The following DLG5 variants were observed in gnomAD, a reference collection of about 807,000 sequenced individuals.
DLG5 encodes the protein disks large homolog 5.
DLG5 carries 48 observed loss-of-function variants against 189.8 expected under a neutral mutation model. That is an observed-to-expected ratio of 0.25 (90% CI 0.20 to 0.32). The LOEUF (loss-of-function observed/expected upper bound fraction) is 0.32. DLG5 is among the 10% of genes least tolerant of loss of function. The pLI is 1.00. For synonymous variants in DLG5, 1,016 were observed against 1,054.1 expected (o/e 0.96, Z 0.70); for missense variants, 2,160 against 2,544.7 (o/e 0.85, Z 3.25).
At chr10:77,897,796 T>G (rs1284715621) in intron 1 of DLG5, among the ~76,000 whole-genome samples, 1 of 149,506 alleles carries the variant, frequency 6.7e-6, no homozygotes, top group Admixed American at 6.6e-5. Context: ...GTGGTAGAAT[T>G]AAAGAAAAAA....
intron 1 of DLG5, among the ~76,000 whole-genome samples, chr10:77,918,109 C>T (rs1024823281): frequency 1.3e-5 from 2 of 150,212 alleles, no homozygotes; most frequent in African/African-American, 4.9e-5. Flanking sequence ...TATATTTTTC[C>T]ACAATAAAAA....
intron 1 of DLG5, chr10:77,889,291 GAA>G (rs112297100): frequency 8.2e-5 from 11 of 134,536 alleles, no homozygotes; most frequent in East Asian, 2.3e-4. Context: ...AGTCACTAGG[GAA>G]AAAAAAAAAA....
At chr10:77,927,193 G>C (rs1248288006), upstream of DLG5, 4 of 152,604 alleles carry the variant, frequency 2.6e-5, no homozygotes, top group African/African-American at 9.7e-5. Flanking sequence ...GGGGTCCCCG[G>C]CCCGCCCGCT....
intron 22 of DLG5, 140 bp downstream of exon 22, chr10:77,811,784 G>T (rs1365261209): frequency 1.6e-6 from 2 of 1,262,030 alleles, no homozygotes; most frequent in African/African-American, 1.5e-5. Flanking sequence ...AAAATCCAGG[G>T]CTGGTCAACT....
chr10:77,842,199 A>C lies in DLG5; in HGVS notation c.1125-6T>G, dbSNP rs908733139. ...CATGGTGGATCGCCTCAAACCTGGC[A>C]AGAGAGGTGGCGAGATGTGGGAAGG... On this transcript the variant is annotated splice_polypyrimidine_tract_variant and splice_region_variant and intron_variant, in intron 6 of 31. Transcript: ENST00000372391. 1 of 1,597,596 alleles carries C rather than the reference A, an allele frequency of 6.3e-7. No individual in the cohort carries two copies. Among genetic ancestry groups the C allele is most frequent in the Non-Finnish European group, 8.5e-7 (1 of 1,176,968 alleles).
chr10:77,795,995 G>T (rs1178561625), intron 29 of DLG5, 66 bp downstream of exon 29: 1 of 1,610,126 alleles, frequency 6.2e-7, no homozygotes, highest in East Asian at 2.2e-5. Context: ...ACGGACCAGG[G>T]GCCTAGACCT....
In DLG5 at chr10:77,811,114, TG is replaced by T. The variant is rs778796396; in HGVS notation, c.4442del (p.Pro1481GlnfsTer88). ...MEQDEGPSTPPAKQSSSRIAG... is the reference protein window; with the variant it reads ...MEQDEGPSTPXAKQSSSRIAG... ...CTGACCTGGAGCTGCTCTGCTTGGC[TG>T]GGGGGGTGCTAGGCCCCTCGTCCTG... On this transcript the variant is annotated frameshift_variant, in exon 23 of 32. Transcript: ENST00000372391. LOFTEE classifies it high-confidence loss of function. The T allele has an allele frequency of 2.5e-6, 4 of 1,611,730 alleles. No individual in the cohort carries two copies. The highest frequency in any genetic ancestry group is 8.5e-7 in the Non-Finnish European group (1 of 1,179,870).
chr10:77,916,481 T>C (rs1846359979), intron 1 of DLG5, among the ~76,000 whole-genome samples: 1 of 150,738 alleles, frequency 6.6e-6, no homozygotes, highest in African/African-American at 2.4e-5. Context: ...TTAGTAGAGA[T>C]GGGGTTTCAT....
intron 27 of DLG5, among the ~76,000 whole-genome samples, chr10:77,804,392 C>T (rs1232970877): frequency 6.6e-6 from 1 of 152,188 alleles, no homozygotes; most frequent in Non-Finnish European, 1.5e-5. Context: ...CAATAGTTTG[C>T]CAACCCTTGT....
Position 77,821,594 on chromosome 10 carries a change from A to T in DLG5, c.2890T>A (p.Tyr964Asn), listed in dbSNP as rs750341339. The T allele has an allele frequency of 1.9e-5, 30 of 1,612,902 alleles. No homozygotes were observed. The highest frequency in any genetic ancestry group is 2.5e-5 in the Non-Finnish European group (30 of 1,180,028). ...GACTTTCTTTGCTTTGGCTTTTTAT[A>T]AACAGAGAGCTTCTCAGGCACTGCC... is the stretch of plus-strand genomic sequence containing the variant. Reference protein sequence around the residue: ...STAVPEKLSVYKKPKQRKSIF... With the variant: ...STAVPEKLSVNKKPKQRKSIF... The change falls in exon 15 of 32, where the codon TAT (tyrosine) becomes AAT (asparagine). Residue 964 changes from tyrosine (Y) to asparagine (N), a missense_variant. By Grantham distance (143) the Tyr-to-Asn change is moderately radical. This residue lies in a region of DLG5 where 754 missense variants were observed against 746.5 expected (regional missense o/e 1.01). Coordinates refer to ENST00000372391, the MANE Select transcript of DLG5 (RefSeq NM_004747.4).
chr10:77,934,030 AGAGT>A, the DLG5 span, among the ~76,000 whole-genome samples: 1 of 151,586 alleles, frequency 6.6e-6, no homozygotes, highest in Non-Finnish European at 1.5e-5. Context: ...CCTGGGTGAC[AGAGT>A]GAGACTCTGT....
Position 77,821,974 on chromosome 10 carries a change from T to C in DLG5, c.2510A>G (p.Gln837Arg). 6.2e-7 allele frequency: 1 copy of C among 1,614,258 alleles called. No homozygotes were observed. Among genetic ancestry groups the C allele is most frequent in the Non-Finnish European group, 8.5e-7 (1 of 1,180,044 alleles). The change falls in exon 15 of 32, where the codon CAG becomes CGG. Residue 837 changes from glutamine to arginine, a missense_variant. Transcript: ENST00000372391. ...VQAHNKRNLI[Q>R]HNNSTQTDIF... Reference sequence around the variant, plus strand: ...GTCTGTCTGCGTGGAGTTATTGTGCTGTATCAAGTTCCGTTTGTTATGAGC... The same window carrying C: ...GTCTGTCTGCGTGGAGTTATTGTGCCGTATCAAGTTCCGTTTGTTATGAGC...
chr10:77,875,522 T>A (rs1845056520), intron 1 of DLG5, among the ~76,000 whole-genome samples: 1 of 151,584 alleles, frequency 6.6e-6, no homozygotes. Flanking sequence ...GAAGGAGCTG[T>A]GGCTTCATGG....
At chr10:77,817,969 G>A (rs889995830) in intron 17 of DLG5, 80 bp from the exon 18 acceptor site, 8 of 1,222,220 alleles carry the variant, frequency 6.5e-6, no homozygotes, top group Non-Finnish European at 8.1e-6. Flanking sequence ...ACACAGACCA[G>A]GCAAGGGTTC....
chr10:77,807,999 G>A, intron 24 of DLG5, 55 bp from the exon 25 acceptor site: 2 of 1,605,856 alleles, frequency 1.2e-6, no homozygotes, highest in Non-Finnish European at 1.7e-6. Context: ...GGCAGCTTGG[G>A]CACCCGAGAG....
At chr10:77,877,865 C>T (rs1299119307) in intron 1 of DLG5, among the ~76,000 whole-genome samples, 3 of 152,196 alleles carry the variant, frequency 2.0e-5, no homozygotes, top group African/African-American at 7.2e-5. Context: ...GGAGCAGCGC[C>T]TCTGCCCCGC....
rs1846682247 is a variant in DLG5 at position 77,926,115 on chromosome 10, A to G, written c.304+102T>C. 1.6e-6 allele frequency: 2 copies of G among 1,220,072 alleles called. No individual in the cohort carries two copies. Among genetic ancestry groups the G allele is most frequent in the Non-Finnish European group, 1.1e-6 (1 of 950,760 alleles). 75.6% of individuals were successfully genotyped at this position (1,220,072 alleles called of 1,614,324 possible). A position where few individuals can be genotyped will look rare whatever the true frequency, so the allele number is the denominator to read the frequency against. On this transcript the variant is annotated intron_variant, in intron 1 of 31. Transcript: ENST00000372391. This position sits in a 1 kb window ranked among gnomAD's most constrained non-coding sequence, Gnocchi z 5.2. Reference sequence around the variant, plus strand: ...CCAGAGGAGCGAGTCCACCGAGGCCATCGCCAGGTGGAGCGGCGGCCCCGG... The same window carrying G: ...CCAGAGGAGCGAGTCCACCGAGGCCGTCGCCAGGTGGAGCGGCGGCCCCGG...
intron 8 of DLG5, among the ~76,000 whole-genome samples, chr10:77,835,474 G>A (rs955632455): frequency 3.3e-5 from 5 of 152,194 alleles, no homozygotes; most frequent in South Asian, 2.1e-4. Context: ...GGTCGGCCTC[G>A]TGCCCCTTCA....
intron 1 of DLG5, among the ~76,000 whole-genome samples, chr10:77,916,294 A>T (rs2559662): frequency 0.66 from 98,882 of 149,522 alleles, 33,287 homozygotes; most frequent in African/African-American, 0.83. Context: ...AAGAAAAAAA[A>T]TTTTTTTTTT....
Sources: allele counts gnomAD v4.1 joint callset (sites outside exome capture counted in the v4.1 genomes callset), GRCh38; gene constraint gnomAD v4.1.1; regional missense constraint gnomAD v4.1.1; non-coding constraint Gnocchi (gnomAD v3.1); transcripts MANE v1.5; gene names NCBI Gene and HGNC (gene_info 2026-07-23, HGNC 2026-07-21).